The following NYAP2 variants were observed in gnomAD, a reference collection of about 807,000 sequenced individuals.
NYAP2 encodes neuronal tyrosine-phosphorylated phosphoinositide-3-kinase adaptor 2, also known as neuronal tyrosine-phosphorylated phosphoinositide-3-kinase adapter 2.
In NYAP2, 23 loss-of-function variants were observed where a neutral mutation model predicts 50.4. The observed-to-expected ratio is 0.46, with a 90% CI of 0.33 to 0.65. NYAP2 has a LOEUF of 0.65. Among genes scored for constraint, NYAP2 ranks in the 30% least tolerant of loss-of-function variants. NYAP2 has a pLI of 0.02. For missense variants in NYAP2, 885 were observed against 861.0 expected, an observed-to-expected ratio of 1.03 and a Z score of -0.35; for synonymous variants, 394 against 365.2, an observed-to-expected ratio of 1.08 and a Z score of -0.90.
the NYAP2 span, chr2:225,698,857 A>C: frequency 6.0e-4 from 92 of 152,066 alleles, no homozygotes; most frequent in African/African-American, 2.1e-3. Context: ...ATATGATATA[A>C]TTTCAGTATT....
intron 4 of NYAP2, among the ~76,000 whole-genome samples, chr2:225,544,487 T>C (rs953845759): frequency 3.3e-5 from 5 of 152,088 alleles, no homozygotes; most frequent in African/African-American, 1.2e-4. Flanking sequence ...TAGAACCCAT[T>C]ATTTTAAACT....
chr2:225,610,659 T>G (rs1692866174), intron 5 of NYAP2, among the ~76,000 whole-genome samples: 1 of 152,202 alleles, frequency 6.6e-6, no homozygotes, highest in Non-Finnish European at 1.5e-5. Context: ...ATTCTGAATT[T>G]CAGCCCCATC....
chr2:225,586,978 G>T (rs768696624), intron 5 of NYAP2, among the ~76,000 whole-genome samples: 2 of 152,158 alleles, frequency 1.3e-5, no homozygotes, highest in South Asian at 2.1e-4. Context: ...GATGGAAGGC[G>T]GAGGGGAAGC....
chr2:225,603,076 C>T (rs1206441722), intron 5 of NYAP2, among the ~76,000 whole-genome samples: 2 of 152,044 alleles, frequency 1.3e-5, no homozygotes, highest in African/African-American at 2.4e-5. Context: ...TAGGCTGAGG[C>T]GTCTTTCCAT....
chr2:225,655,805 C>G (rs1181103360), downstream of NYAP2, among the ~76,000 whole-genome samples: 2 of 151,304 alleles, frequency 1.3e-5, no homozygotes, highest in African/African-American at 4.8e-5. Flanking sequence ...AGAACTGCAG[C>G]TTTCCTTGGA....
chr2:225,619,970 A>G (rs761529104), intron 5 of NYAP2, among the ~76,000 whole-genome samples: 1 of 152,216 alleles, frequency 6.6e-6, no homozygotes, highest in South Asian at 2.1e-4. Flanking sequence ...TCGCTCATTC[A>G]TTCACTGAAT....
At chr2:225,452,267 G>A (rs1417480921) in intron 3 of NYAP2, among the ~76,000 whole-genome samples, 1 of 152,184 alleles carries the variant, frequency 6.6e-6, no homozygotes, top group African/African-American at 2.4e-5. Context: ...TTAAGAAGCT[G>A]TTGTGGGCAA....
intron 5 of NYAP2, among the ~76,000 whole-genome samples, chr2:225,620,472 C>G (rs947604701): frequency 1.3e-5 from 2 of 149,732 alleles, no homozygotes; most frequent in Non-Finnish European, 3.0e-5. Context: ...CGCATGCACA[C>G]GCACACGCAC....
At chr2:225,566,646 C>T (rs996873059) in intron 4 of NYAP2, among the ~76,000 whole-genome samples, 5 of 152,246 alleles carry the variant, frequency 3.3e-5, no homozygotes, top group African/African-American at 9.6e-5. Context: ...AACTTGGTAA[C>T]TTCCTTTCAC....
In NYAP2 at chr2:225,641,584, G is replaced by A. The variant is rs145700860; in HGVS notation, c.1829-9848G>A. Among the ~76,000 whole-genome samples the A allele has an allele frequency of 7.4e-3, 1,120 of 152,162 alleles. 11 individuals carry two copies. Among genetic ancestry groups the A allele is most frequent in the Middle Eastern group, 0.044 (13 of 294 alleles). On this transcript the variant is annotated intron_variant, in intron 6 of 6. Transcript: ENST00000636099. ...TATCCCAGCACTTTGGGAGGCCGAGGTGGGTGGATCACGATGTCAGGAGTT... is the reference window on the plus strand; with the variant it reads ...TATCCCAGCACTTTGGGAGGCCGAGATGGGTGGATCACGATGTCAGGAGTT...
intron 4 of NYAP2, among the ~76,000 whole-genome samples, chr2:225,569,566 G>A (rs1055895256): frequency 6.6e-6 from 1 of 152,174 alleles, no homozygotes; most frequent in Non-Finnish European, 1.5e-5. Context: ...AATAAACTCA[G>A]TGTTTTAGAG....
At chr2:225,487,595 A>G (rs1280141534) in intron 3 of NYAP2, among the ~76,000 whole-genome samples, 1 of 151,998 alleles carries the variant, frequency 6.6e-6, no homozygotes, top group Non-Finnish European at 1.5e-5. Context: ...CCTGACCTCA[A>G]GTGATCCAAC....
chr2:225,404,034 A>G (rs1239734494), intron 2 of NYAP2, among the ~76,000 whole-genome samples: 1 of 151,992 alleles, frequency 6.6e-6, no homozygotes, highest in Non-Finnish European at 1.5e-5. Flanking sequence ...ATTCAACAGT[A>G]TCTTGGAATT....
chr2:225,560,771 G>T (rs1435595644), intron 4 of NYAP2, among the ~76,000 whole-genome samples: 1 of 152,008 alleles, frequency 6.6e-6, no homozygotes, highest in African/African-American at 2.4e-5. Context: ...GGAAACAAAG[G>T]AGCAGGGAAA....
intron 3 of NYAP2, among the ~76,000 whole-genome samples, chr2:225,420,900 CA>C (rs1307198811): frequency 6.6e-6 from 1 of 152,090 alleles, no homozygotes; most frequent in Non-Finnish European, 1.5e-5. Flanking sequence ...TTTCTTTCTA[CA>C]GGGATTCTTA....
intron 5 of NYAP2, among the ~76,000 whole-genome samples, chr2:225,587,943 T>A (rs1692416544): frequency 6.6e-6 from 1 of 152,124 alleles, no homozygotes; most frequent in Non-Finnish European, 1.5e-5. Flanking sequence ...CTTTTTTTTT[T>A]AGGCGGATTC....
chr2:225,439,513 C>T (rs1344236028), intron 3 of NYAP2, among the ~76,000 whole-genome samples: 2 of 152,178 alleles, frequency 1.3e-5, no homozygotes, highest in African/African-American at 2.4e-5. Flanking sequence ...AGAGGTGGGT[C>T]CCTGAAGTTA....
chr2:225,483,046 G>A lies in NYAP2; in HGVS notation c.222-30325G>A, dbSNP rs116110424. On this transcript the variant is annotated intron_variant, in intron 3 of 6. Coordinates refer to ENST00000636099, the Ensembl canonical transcript of NYAP2. ...TATAGTGCACCTGTTTGAATATTCTGTACTGGTAATTTATATCCAGGTGAT... is the reference window on the plus strand; with the variant it reads ...TATAGTGCACCTGTTTGAATATTCTATACTGGTAATTTATATCCAGGTGAT... Among the ~76,000 whole-genome samples, 762 of 152,214 alleles carry A rather than the reference G, an allele frequency of 5.0e-3. 3 individuals carry two copies. Among genetic ancestry groups the A allele is most frequent in the African/African-American group, 0.017 (709 of 41,546 alleles).
chr2:225,582,360 C>T lies in NYAP2; in HGVS notation c.943C>T (p.Pro315Ser), dbSNP rs567364084. 54 of 1,612,634 alleles carry T rather than the reference C, an allele frequency of 3.3e-5. No individual in the cohort carries two copies. Among genetic ancestry groups the T allele is most frequent in the East Asian group, 1.1e-4 (5 of 44,816 alleles). ...CGCCAAGGCCTCAGTGCCATGCCCC[C>T]CCAAGGGGCTGCTTTGCGACATCCC... The change falls in exon 5 of 7, where the codon CCC becomes TCC. Residue 315 changes from proline to serine, a missense_variant. Pro to Ser is a moderately conservative substitution (Grantham distance 74, BLOSUM62 -1). Coordinates refer to ENST00000636099, the Ensembl canonical transcript of NYAP2. This position sits in a 1 kb window ranked among gnomAD's most constrained non-coding sequence, Gnocchi z 7.0.
Sources: gnomAD v4.1 joint callset for allele counts (sites outside exome capture counted in the v4.1 genomes callset) on GRCh38, gnomAD v4.1.1 for gene constraint, Gnocchi (gnomAD v3.1) non-coding constraint, MANE v1.5 for transcripts, NCBI Gene and HGNC (gene_info 2026-07-23, HGNC 2026-07-21) for gene names.